The following LNP1 variants were observed in gnomAD, a reference collection of about 807,000 sequenced individuals.
LNP1 encodes leukemia NUP98 fusion partner 1.
Under a neutral mutation model 14.5 loss-of-function variants are expected in LNP1, and 12 were observed. That is an observed-to-expected ratio of 0.83 (90% CI 0.53 to 1.34). LNP1 has a LOEUF of 1.34. LNP1 is among the 40% of genes most tolerant of loss of function. The pLI is 0.00. For missense variants in LNP1, 198 were observed against 210.9 expected (o/e 0.94, Z 0.38); for synonymous variants, 75 against 71.4 (o/e 1.05, Z -0.26).
At position 100,455,862 on chromosome 3, in the gene LNP1, G is replaced by A. The variant is rs1437907314; in HGVS notation, c.473G>A (p.Ser158Asn). The stretch of plus-strand genomic sequence containing the variant: ...CGAAAGAAAGTAGAGGAAGAAAGGA[G>A]CTCTAGGAAAGAAGAGCATGGAGAA... ...KSRKKVEEER[S>N]SRKEEHGEAH... The change falls in exon 4 of 4, where the codon AGC (serine) becomes AAC (asparagine). Residue 158 changes from serine (S) to asparagine (N), a missense_variant. By Grantham distance (46) the Ser-to-Asn change is conservative. Transcript: ENST00000383693. 1.2e-6 allele frequency: 2 copies of A among 1,614,026 alleles called. No homozygotes were observed. The highest frequency in any genetic ancestry group is 1.7e-6 in the Non-Finnish European group (2 of 1,179,874).
At chr3:100,434,659 G>A (rs1173926243) in intron 2 of LNP1, among the ~76,000 whole-genome samples, 1 of 151,776 alleles carries the variant, frequency 6.6e-6, no homozygotes, top group Non-Finnish European at 1.5e-5. Context: ...CTCCTGAGTA[G>A]TCAAGACTAC....
At chr3:100,417,502 A>G (rs1320881603) in intron 1 of LNP1, among the ~76,000 whole-genome samples, 3 of 149,236 alleles carry the variant, frequency 2.0e-5, no homozygotes, top group Non-Finnish European at 4.4e-5. Context: ...CAGCCTCCCA[A>G]GTAGCTGGGA....
At chr3:100,451,247 G>A (rs1707435379) in intron 2 of LNP1, among the ~76,000 whole-genome samples, 1 of 152,212 alleles carries the variant, frequency 6.6e-6, no homozygotes, top group African/African-American at 2.4e-5. Context: ...TCAGAGCACA[G>A]TTTGGTTTTA....
chr3:100,421,907 A>G (rs940644605), intron 1 of LNP1, among the ~76,000 whole-genome samples: 6 of 152,260 alleles, frequency 3.9e-5, no homozygotes, highest in African/African-American at 1.4e-4. Flanking sequence ...TAGTTTTTGC[A>G]ATTTATTTTC....
intron 1 of LNP1, among the ~76,000 whole-genome samples, chr3:100,427,297 G>T (rs1707202232): frequency 6.6e-6 from 1 of 152,038 alleles, no homozygotes; most frequent in African/African-American, 2.4e-5. Flanking sequence ...TTCTCATCTA[G>T]AGGAGAGAAC....
rs377157908 is a variant in LNP1 at position 100,451,798 on chromosome 3, G to A, written c.236G>A (p.Arg79His). 9.9e-6 allele frequency: 16 copies of A among 1,612,696 alleles called. No individual in the cohort carries two copies. The African/African-American group carries it at 1.2e-4, about 12-fold the overall frequency. ...CATGAGGACCAAGAATTTCGATGCC[G>A]TAGCCACGTACGGGATTACAGAAAA... Reference protein sequence around the residue: ...HSHEDQEFRCRSHVRDYRKYS... With the variant: ...HSHEDQEFRCHSHVRDYRKYS... The change falls in exon 3 of 4, where the codon CGT (arginine) becomes CAT (histidine). Residue 79 changes from arginine to histidine, a missense_variant. By Grantham distance (29) the Arg-to-His change is conservative (BLOSUM62 0). Coordinates refer to ENST00000383693, the MANE Select transcript of LNP1 (RefSeq NM_001085451.2).
chr3:100,410,921 G>T (rs1707026107), intron 1 of LNP1, among the ~76,000 whole-genome samples: 1 of 152,202 alleles, frequency 6.6e-6, no homozygotes, highest in Non-Finnish European at 1.5e-5. Context: ...AAGAGTGGGT[G>T]TGCCCTTCCA....
intron 2 of LNP1, among the ~76,000 whole-genome samples, chr3:100,449,103 GA>G (rs1407075253): frequency 2.0e-5 from 3 of 152,210 alleles, no homozygotes; most frequent in African/African-American, 7.2e-5. Context: ...ATTGTATAAG[GA>G]GACTAATTTT....
chr3:100,406,868 G>C (rs202141262), intron 1 of LNP1, among the ~76,000 whole-genome samples: 2 of 151,988 alleles, frequency 1.3e-5, no homozygotes, highest in Non-Finnish European at 2.9e-5. Flanking sequence ...GTCGGTTTTT[G>C]CTTCAAAAAA....
intron 2 of LNP1, among the ~76,000 whole-genome samples, chr3:100,447,747 GTCTT>G (rs1343817571): frequency 1.3e-5 from 2 of 152,048 alleles, no homozygotes; most frequent in African/African-American, 4.8e-5. Flanking sequence ...CCATACAAGA[GTCTT>G]TCTCCTGTGA....
At chr3:100,439,291 A>T (rs1261044739) in intron 2 of LNP1, among the ~76,000 whole-genome samples, 3 of 151,830 alleles carry the variant, frequency 2.0e-5, no homozygotes, top group Non-Finnish European at 2.9e-5. Flanking sequence ...AAAAAAAAGG[A>T]AAAGGAAGAA....
chr3:100,455,951 C>T lies in LNP1; in HGVS notation c.*25C>T, dbSNP rs373804469. 3.1e-6 allele frequency: 5 copies of T among 1,588,714 alleles called. No homozygotes were observed. The African/African-American group carries it at 5.5e-5, about 17-fold the overall frequency. ...ATACTCTGCTTCTGCCTCATGACATCAGATGCTACTGTTTTGGTTTTTTTC... is the reference window on the plus strand; with the variant it reads ...ATACTCTGCTTCTGCCTCATGACATTAGATGCTACTGTTTTGGTTTTTTTC... On this transcript the variant is annotated 3_prime_UTR_variant, in exon 4 of 4. Transcript: ENST00000383693.
At position 100,455,835 on chromosome 3, in the gene LNP1, C is replaced by T; in HGVS notation, c.446C>T (p.Ser149Phe). The T allele has an allele frequency of 6.2e-7, 1 of 1,613,908 alleles. No individual in the cohort carries two copies. The highest frequency in any genetic ancestry group is 1.1e-5 in the South Asian group (1 of 91,046). ...GAATGCCTGAGGATGGAGATAAAAT[C>T]CCGAAAGAAAGTAGAGGAAGAAAGG... ...ERECLRMEIK[S>F]RKKVEEERSS... The change falls in exon 4 of 4, where the codon TCC becomes TTC. Residue 149 changes from serine (S) to phenylalanine (F), a missense_variant. Physicochemically the swap from Ser to Phe is radical, Grantham distance 155 (BLOSUM62 -2). Transcript: ENST00000383693.
intron 1 of LNP1, among the ~76,000 whole-genome samples, chr3:100,423,934 C>A (rs1384964996): frequency 2.0e-5 from 3 of 152,118 alleles, no homozygotes; most frequent in Admixed American, 6.5e-5. Flanking sequence ...CTGGAGCCTC[C>A]CCTCAGGCCA....
intron 2 of LNP1, 166 bp from the exon 3 acceptor site, chr3:100,451,553 C>G (rs2148908608): frequency 1.7e-6 from 1 of 586,426 alleles, no homozygotes; most frequent in East Asian, 2.8e-5. Flanking sequence ...TGACTTTTCC[C>G]TTTAGCTTAG....
chr3:100,440,385 C>T (rs1707334191), intron 2 of LNP1, among the ~76,000 whole-genome samples: 1 of 152,088 alleles, frequency 6.6e-6, no homozygotes, highest in South Asian at 2.1e-4. Context: ...TTCTTTTTTA[C>T]ATCTTCTTGG....
chr3:100,413,536 A>T (rs552592050), intron 1 of LNP1, among the ~76,000 whole-genome samples: 1 of 152,268 alleles, frequency 6.6e-6, no homozygotes, highest in Admixed American at 6.5e-5. Context: ...ACTCACATGG[A>T]TTTATAAGAT....
intron 1 of LNP1, among the ~76,000 whole-genome samples, chr3:100,421,026 T>G (rs925018909): frequency 6.6e-6 from 1 of 152,150 alleles, no homozygotes; most frequent in African/African-American, 2.4e-5. Flanking sequence ...TTTCCCAGGC[T>G]GGAGTGCAGT....
intron 1 of LNP1, among the ~76,000 whole-genome samples, chr3:100,417,385 T>TC (rs1707095837): frequency 7.3e-6 from 1 of 137,226 alleles, no homozygotes; most frequent in African/African-American, 2.8e-5. Flanking sequence ...TTTTTTTTTT[T>TC]TTTTTTTTCG....
Sources: gnomAD v4.1 joint callset for allele counts (sites outside exome capture counted in the v4.1 genomes callset) on GRCh38, gnomAD v4.1.1 for gene constraint, MANE v1.5 for transcripts, NCBI Gene and HGNC (gene_info 2026-07-23, HGNC 2026-07-21) for gene names.